CFAP43: variants seen among roughly 807,000 people sequenced by gnomAD.
CFAP43 encodes cilia and flagella associated protein 43, also known as cilia- and flagella-associated protein 43.
CFAP43 carries 155 observed loss-of-function variants against 218.9 expected under a neutral mutation model. The observed-to-expected ratio is 0.71, with a 90% CI of 0.62 to 0.81. The LOEUF (loss-of-function observed/expected upper bound fraction) is 0.81, where lower values mean the gene tolerates loss of function less well. Ranked by LOEUF, CFAP43 falls within the 30% of genes least tolerant of loss-of-function variation. The pLI is 0.00. For missense variants in CFAP43, 1,778 were observed against 1,954.3 expected (o/e 0.91, Z 1.70); for synonymous variants, 645 against 681.3 (o/e 0.95, Z 0.83).
chr10:104,146,236 T>C (rs1437671478), intron 30 of CFAP43, 27 bp downstream of exon 30: 3 of 1,592,488 alleles, frequency 1.9e-6, no homozygotes, highest in East Asian at 4.5e-5. Flanking sequence ...TACTGCATTG[T>C]TGAGTGGGTA....
chr10:104,168,996 T>A (rs921845708), intron 20 of CFAP43, 148 bp from the exon 21 acceptor site: 2 of 627,842 alleles, frequency 3.2e-6, no homozygotes, highest in Non-Finnish European at 5.6e-6. Context: ...CACCTTGCAC[T>A]GAGATGCACT....
chr10:104,230,419 C>G (rs529300759), intron 2 of CFAP43, among the ~76,000 whole-genome samples, 171 bp downstream of exon 2: 3 of 152,008 alleles, frequency 2.0e-5, no homozygotes, highest in Non-Finnish European at 4.4e-5. Flanking sequence ...GAGCCAAGAT[C>G]GCACCACTGC....
chr10:104,202,969 T>C (rs1442493607), intron 8 of CFAP43, among the ~76,000 whole-genome samples: 1 of 152,224 alleles, frequency 6.6e-6, no homozygotes, highest in East Asian at 1.9e-4. Flanking sequence ...TCTGCTAATC[T>C]TGATGTCTGA....
At chr10:104,204,314 A>G (rs1025600693) in intron 7 of CFAP43, among the ~76,000 whole-genome samples, 1 of 150,566 alleles carries the variant, frequency 6.6e-6, no homozygotes, top group African/African-American at 2.4e-5. Flanking sequence ...CAAGTATCCA[A>G]TAGAAACGGG....
rs776193577 is a variant in CFAP43 at position 104,227,835 on chromosome 10, CTTTTTTT to C, written c.320-2285_320-2279del. 1.7e-4 allele frequency among the ~76,000 whole-genome samples: 10 copies of C among 58,368 alleles called. No homozygotes were observed. The East Asian group carries it at 2.0e-3, about 12-fold the overall frequency. 38.3% of individuals were successfully genotyped at this position (58,368 alleles called of 152,430 possible). On this transcript the variant is annotated intron_variant, in intron 2 of 37. Transcript: ENST00000357060. ...CTCCTCTATTCTACCATGTTTTCTACTTTTTTTTTTTTTTTTTTTTTTTTTTTTTTGA... is the reference window on the plus strand; with the variant it reads ...CTCCTCTATTCTACCATGTTTTCTACTTTTTTTTTTTTTTTTTTTTTTTGA...
At position 104,179,090 on chromosome 10, in the gene CFAP43, A is replaced by G. The variant is rs1479773470; in HGVS notation, c.2399T>C (p.Val800Ala). ...TTTCCTTTTCTTGGAAAACAGATTAACCTCCTTTTTGATGGCCTGAAACAG... is the reference window on the plus strand; with the variant it reads ...TTTCCTTTTCTTGGAAAACAGATTAGCCTCCTTTTTGATGGCCTGAAACAG... ...QKSQEAIKKE[V>A]NLFSKKRKEI... Residue 800 changes from valine (V) to alanine (A), a missense_variant, in exon 19 of 38, where the codon GTT (valine) becomes GCT (alanine). Val to Ala is a moderately conservative substitution (Grantham distance 64, BLOSUM62 0). Around this residue, in one of 3 missense-constraint regions of CFAP43, gnomAD observed 1,553 missense variants for 1,685.2 expected, o/e 0.92. Transcript: ENST00000357060. 1 of 1,613,168 alleles carries G rather than the reference A, an allele frequency of 6.2e-7. No homozygotes were observed.
At chr10:104,130,998 C>CAAAAAAAA (rs1163188252) in intron 37 of CFAP43, among the ~76,000 whole-genome samples, 2 of 56,716 alleles carry the variant, frequency 3.5e-5, no homozygotes, top group Non-Finnish European at 3.6e-5. Context: ...CACCCTGTCT[C>CAAAAAAAA]AAAAAAAAAA....
chr10:104,194,612 A>G (rs1329277816), intron 10 of CFAP43, among the ~76,000 whole-genome samples: 1 of 152,180 alleles, frequency 6.6e-6, no homozygotes, highest in Non-Finnish European at 1.5e-5. Flanking sequence ...TCACCGGAAG[A>G]TGTATTCAGT....
intron 12 of CFAP43, among the ~76,000 whole-genome samples, chr10:104,191,574 C>T (rs2090216989): frequency 6.6e-6 from 1 of 152,112 alleles, no homozygotes; most frequent in Admixed American, 6.6e-5. Flanking sequence ...TGAGCCTACA[C>T]ACCATTCTGC....
chr10:104,226,154 A>C (rs538089936), intron 2 of CFAP43, among the ~76,000 whole-genome samples: 26 of 152,384 alleles, frequency 1.7e-4, no homozygotes, highest in African/African-American at 6.3e-4. Context: ...TCTGCTTCCC[A>C]GTACAGAGTG....
intron 3 of CFAP43, among the ~76,000 whole-genome samples, chr10:104,224,092 G>A (rs1186391399): frequency 6.6e-6 from 1 of 152,122 alleles, no homozygotes; most frequent in Non-Finnish European, 1.5e-5. Flanking sequence ...CGCCAAGGCT[G>A]GAGTGCAGTG....
Position 104,198,056 on chromosome 10 carries a change from G to T in CFAP43, c.1096-18C>A. The T allele has an allele frequency of 2.1e-6, 3 of 1,406,536 alleles. No individual in the cohort carries two copies. The highest frequency in any genetic ancestry group is 1.2e-5 in the South Asian group (1 of 83,822). The allele number at this position is 1,406,536 out of a possible 1,614,324, so 87.1% of individuals were successfully genotyped here. On this transcript the variant is annotated intron_variant, in intron 8 of 37. Transcript: ENST00000357060. ...ACAGATCCCTGATAAACATACAAAA[G>T]AAAAGAAACACATTGTAATTGTTGT...
At chr10:104,156,555 G>A (rs1405467419) in intron 27 of CFAP43, among the ~76,000 whole-genome samples, 2 of 152,072 alleles carry the variant, frequency 1.3e-5, no homozygotes, top group African/African-American at 4.8e-5. Context: ...TAAGCTTCAG[G>A]ATGTAAACCT....
intron 35 of CFAP43, chr10:104,132,598 G>C: frequency 1.0e-6 from 1 of 976,796 alleles, no homozygotes; most frequent in Non-Finnish European, 1.2e-6. Context: ...TGGGCAAAAA[G>C]AGCAAAACCC....
At chr10:104,220,600 A>G (rs2091150520) in intron 3 of CFAP43, among the ~76,000 whole-genome samples, 1 of 152,230 alleles carries the variant, frequency 6.6e-6, no homozygotes, top group South Asian at 2.1e-4. Flanking sequence ...AACTTGGAAA[A>G]AAGAAAAATT....
Position 104,157,773 on chromosome 10 carries a change from T to TGAGAGAGA in CFAP43, c.3540+3263_3540+3264insTCTCTCTC, listed in dbSNP as rs1276226636. On this transcript the variant is annotated intron_variant, in intron 27 of 37. Transcript: ENST00000357060. ...GTGTGTGTGTGTGTGTGTGTGTGTG[T>TGAGAGAGA]GTGAGAGAGAGAGAGAGAGAGAGAG... Among the ~76,000 whole-genome samples the TGAGAGAGA allele has an allele frequency of 8.7e-3, 850 of 98,008 alleles. 4 individuals are homozygous for TGAGAGAGA. The highest frequency in any genetic ancestry group is 0.032 in the African/African-American group (744 of 23,102). The allele number at this position is 98,008 out of a possible 152,430, so 64.3% of individuals were successfully genotyped here. A position where few individuals can be genotyped will look rare whatever the true frequency, so the allele number is the denominator to read the frequency against.
intron 23 of CFAP43, among the ~76,000 whole-genome samples, chr10:104,165,327 AC>A (rs1476193053): frequency 2.0e-5 from 3 of 152,240 alleles, no homozygotes; most frequent in Non-Finnish European, 4.4e-5. Context: ...AACAGCTAGC[AC>A]AAAAATTTCT....
rs779847958 is a variant in CFAP43, at chr10:104,164,119, C to T, written c.3221G>A (p.Arg1074Lys). 8 of 1,614,100 alleles carry T rather than the reference C, an allele frequency of 5.0e-6. No individual in the cohort carries two copies. The highest frequency in any genetic ancestry group is 6.8e-6 in the Non-Finnish European group (8 of 1,180,046). ...CTCCTCATCTTGCACAACAAGCGTT[C>T]TCTCTGGCTTCTCACAGTCTTCAAA... is the stretch of plus-strand genomic sequence containing the variant. ...PEFEDCEKPERTLVVQDEEIT... is the reference protein window; with the variant it reads ...PEFEDCEKPEKTLVVQDEEIT... Residue 1074 changes from arginine (R) to lysine (K), a missense_variant, in exon 24 of 38, where the codon AGA becomes AAA. Arg to Lys is a conservative substitution (Grantham distance 26). Around this residue, in one of 3 missense-constraint regions of CFAP43, gnomAD observed 1,553 missense variants for 1,685.2 expected, o/e 0.92. Transcript: ENST00000357060.
chr10:104,174,121 C>A (rs1048224530), intron 19 of CFAP43, among the ~76,000 whole-genome samples: 1 of 152,012 alleles, frequency 6.6e-6, no homozygotes, highest in Non-Finnish European at 1.5e-5. Context: ...AATAGTAGAA[C>A]TAAAAAGAAT....
Sources: allele counts gnomAD v4.1 joint callset (sites outside exome capture counted in the v4.1 genomes callset), GRCh38; gene constraint gnomAD v4.1.1; regional missense constraint gnomAD v4.1.1; transcripts MANE v1.5; gene names NCBI Gene and HGNC (gene_info 2026-07-23, HGNC 2026-07-21).